Variants in KAZN observed in about 807,000 individuals in gnomAD.
The protein encoded by KAZN is kazrin, periplakin interacting protein, also known as kazrin.
KAZN carries 40 observed loss-of-function variants against 87.4 expected under a neutral mutation model. That is an observed-to-expected ratio of 0.46 (90% CI 0.36 to 0.60). KAZN has a LOEUF of 0.60. Ranked by LOEUF, KAZN falls within the 20% of genes least tolerant of loss-of-function variation. The pLI, the probability that KAZN is intolerant of heterozygous loss-of-function variation, is 0.00. For synonymous variants in KAZN, 466 were observed against 458.3 expected, an observed-to-expected ratio of 1.02 and a Z score of -0.22; for missense variants, 898 against 1,073.9, an observed-to-expected ratio of 0.84 and a Z score of 2.29.
At chr1:14,824,266 G>A (rs1247797921) in intron 1 of KAZN, among the ~76,000 whole-genome samples, 2 of 147,690 alleles carry the variant, frequency 1.4e-5, no homozygotes, top group Admixed American at 6.6e-5. Context: ...GGGACAGCAC[G>A]AAAGAAAGAG....
Position 14,987,151 on chromosome 1 carries a change from G to C in KAZN, c.418+26276G>C, listed in dbSNP as rs139618203. On this transcript the variant is annotated intron_variant, in intron 2 of 14. Transcript: ENST00000376030. Reference sequence around the variant, plus strand: ...AATACATACTATGAAGGATTCAAATGGGAAGGCGCAGAAGAGAGTGTAGGG... The same window carrying C: ...AATACATACTATGAAGGATTCAAATCGGAAGGCGCAGAAGAGAGTGTAGGG... Among the ~76,000 whole-genome samples the C allele has an allele frequency of 4.7e-3, 709 of 152,230 alleles. 4 individuals are homozygous for C. Among genetic ancestry groups the C allele is most frequent in the African/African-American group, 0.016 (674 of 41,544 alleles).
At chr1:14,490,691 G>GT (rs965508663) in intron 2 of KAZN, among the ~76,000 whole-genome samples, 1 of 151,934 alleles carries the variant, frequency 6.6e-6, no homozygotes, top group Non-Finnish European at 1.5e-5. Flanking sequence ...CGGGGTGGTT[G>GT]TTTTTTAATG....
chr1:14,512,354 AG>A (rs1389794822), intron 2 of KAZN, among the ~76,000 whole-genome samples: 1 of 152,074 alleles, frequency 6.6e-6, no homozygotes, highest in African/African-American at 2.4e-5. Flanking sequence ...ATGTCATTGT[AG>A]GATGTTTGGC....
chr1:14,885,083 G>GAGAAGTCTTCT (rs1557588480), intron 1 of KAZN, among the ~76,000 whole-genome samples: 1 of 152,218 alleles, frequency 6.6e-6, no homozygotes, highest in Admixed American at 6.5e-5. Context: ...CAAGCAGTTA[G>GAGAAGTCTTCT]AGAAGTCTTC....
intron 2 of KAZN, among the ~76,000 whole-genome samples, chr1:14,226,062 CAACA>C (rs1490882487): frequency 6.6e-6 from 1 of 151,838 alleles, no homozygotes; most frequent in African/African-American, 2.4e-5. Context: ...AAAAACAAAA[CAACA>C]AACAACAAAA....
chr1:13,985,390 G>A (rs980637225), intron 1 of KAZN, among the ~76,000 whole-genome samples: 3 of 151,402 alleles, frequency 2.0e-5, no homozygotes, highest in African/African-American at 7.3e-5. Context: ...AAAATGATGA[G>A]TTCATGTCCT....
intron 1 of KAZN, among the ~76,000 whole-genome samples, chr1:13,996,480 C>A (rs1639523296): frequency 6.6e-6 from 1 of 152,158 alleles, no homozygotes; most frequent in African/African-American, 2.4e-5. Flanking sequence ...ATCTCTATAG[C>A]TCCAGGCTGT....
chr1:14,715,323 C>A (rs1022390883), intron 1 of KAZN, among the ~76,000 whole-genome samples: 12 of 152,190 alleles, frequency 7.9e-5, no homozygotes, highest in Non-Finnish European at 1.8e-4. Flanking sequence ...TCAAGGGGCC[C>A]CATCCCAGCC....
At chr1:14,082,668 C>T (rs937284092) in intron 1 of KAZN, among the ~76,000 whole-genome samples, 4 of 152,134 alleles carry the variant, frequency 2.6e-5, no homozygotes, top group East Asian at 1.9e-4. Context: ...GTGTTTTTGC[C>T]GAACCTCCAT....
chr1:15,091,527 AT>A (rs1412447416), intron 8 of KAZN, among the ~76,000 whole-genome samples: 2 of 151,908 alleles, frequency 1.3e-5, no homozygotes, highest in Non-Finnish European at 2.9e-5. Context: ...ATTTTTTGTA[AT>A]TTTAGTAGAG....
At chr1:13,986,826 G>A (rs1229320320) in intron 1 of KAZN, among the ~76,000 whole-genome samples, 2 of 152,334 alleles carry the variant, frequency 1.3e-5, no homozygotes, top group East Asian at 3.9e-4. Context: ...AGCAGTGCCA[G>A]GACATTGGGG....
At chr1:14,373,260 G>T (rs1388353500) in intron 2 of KAZN, among the ~76,000 whole-genome samples, 1 of 151,358 alleles carries the variant, frequency 6.6e-6, no homozygotes, top group African/African-American at 2.4e-5. Flanking sequence ...TGGCAAAGGA[G>T]ATCATGGAGA....
intron 1 of KAZN, among the ~76,000 whole-genome samples, chr1:14,017,626 C>T (rs1640631779): frequency 1.3e-5 from 2 of 152,196 alleles, no homozygotes; most frequent in African/African-American, 4.8e-5. Flanking sequence ...CAATGCTTCA[C>T]CAGGCTGCAG....
At chr1:14,372,563 A>G (rs945023507) in intron 2 of KAZN, among the ~76,000 whole-genome samples, 1 of 152,236 alleles carries the variant, frequency 6.6e-6, no homozygotes, top group African/African-American at 2.4e-5. Context: ...CCCGTGCATT[A>G]GCACATGCCC....
intron 2 of KAZN, among the ~76,000 whole-genome samples, chr1:14,976,125 C>T (rs1358305523): frequency 6.6e-6 from 1 of 152,104 alleles, no homozygotes; most frequent in Non-Finnish European, 1.5e-5. Context: ...CACTGCGAGC[C>T]TGTTGCTGTT....
intron 2 of KAZN, among the ~76,000 whole-genome samples, chr1:14,470,694 G>A (rs902843293): frequency 6.6e-6 from 1 of 152,178 alleles, no homozygotes; most frequent in Non-Finnish European, 1.5e-5. Context: ...GGTAGAGGTG[G>A]ATATGAAGAG....
chr1:14,079,382 G>A (rs1385446428), intron 1 of KAZN, among the ~76,000 whole-genome samples: 1 of 152,102 alleles, frequency 6.6e-6, no homozygotes, highest in Non-Finnish European at 1.5e-5. Context: ...ACTGTTCTTG[G>A]AGTTACTTCT....
intron 1 of KAZN, among the ~76,000 whole-genome samples, chr1:13,897,950 C>T (rs58078733): frequency 0.019 from 2,882 of 152,216 alleles, 99 homozygotes; most frequent in African/African-American, 0.065. Flanking sequence ...TTGACTTTGC[C>T]CCTGCTATAG....
chr1:14,295,457 A>G (rs981849086), intron 2 of KAZN, among the ~76,000 whole-genome samples: 2 of 152,162 alleles, frequency 1.3e-5, no homozygotes, highest in Non-Finnish European at 2.9e-5. Flanking sequence ...ACACACCCAA[A>G]GAGACTCGGG....
Sources: allele counts gnomAD v4.1 joint callset (sites outside exome capture counted in the v4.1 genomes callset), GRCh38; gene constraint gnomAD v4.1.1; transcripts MANE v1.5; gene names NCBI Gene and HGNC (gene_info 2026-07-23, HGNC 2026-07-21).